Variants in MYT1 observed in about 807,000 individuals in gnomAD.
MYT1 encodes the protein myelin transcription factor 1.
Under a neutral mutation model 123.0 loss-of-function variants are expected in MYT1, and 23 were observed. The observed-to-expected ratio is 0.19, with a 90% CI of 0.13 to 0.26. The LOEUF is 0.26. Among genes scored for constraint, MYT1 ranks in the 10% least tolerant of loss-of-function variants. The pLI, the probability that MYT1 is intolerant of heterozygous loss-of-function variation, is 1.00. For synonymous variants in MYT1, 518 were observed against 575.3 expected (o/e 0.90, Z 1.43); for missense variants, 1,125 against 1,472.5 (o/e 0.76, Z 3.86).
Position 64,227,485 on chromosome 20 carries a change from T to A in MYT1, c.2591+8T>A. 1 of 1,611,936 alleles carries A rather than the reference T, an allele frequency of 6.2e-7. No individual in the cohort carries two copies. Reference sequence around the variant, plus strand: ...CTACGCTTCACACCGGAGGTGAGCCTGCCACACCCTCAGGTCCTGGGCCCC... The same window carrying A: ...CTACGCTTCACACCGGAGGTGAGCCAGCCACACCCTCAGGTCCTGGGCCCC... On this transcript the variant is annotated splice_region_variant and intron_variant, in intron 17 of 22. Transcript: ENST00000328439.
chr20:64,212,694 G>C lies in MYT1; in HGVS notation c.1517+556G>C, dbSNP rs894903550. ...CATGAACAGTAACCTCGGCAGGCCA[G>C]GACTGTGCTCTGGGCTGCTTTGTGG... On this transcript the variant is annotated intron_variant, in intron 9 of 22. Transcript: ENST00000328439. This position sits in a 1 kb window ranked among gnomAD's most constrained non-coding sequence, Gnocchi z 6.8. Among the ~76,000 whole-genome samples the C allele has an allele frequency of 4.6e-5, 7 of 152,192 alleles. No homozygotes were observed. Among genetic ancestry groups the C allele is most frequent in the African/African-American group, 7.2e-5 (3 of 41,438 alleles).
In MYT1 at chr20:64,227,454, A is replaced by G; in HGVS notation, c.2568A>G (p.Thr856=). The G allele has an allele frequency of 2.5e-6, 4 of 1,612,766 alleles. No homozygotes were observed. The highest frequency in any genetic ancestry group is 3.4e-6 in the Non-Finnish European group (4 of 1,179,866). The change falls in exon 17 of 23, where the codon ACA becomes ACG. Residue 856 remains threonine (T), a synonymous_variant. Transcript: ENST00000328439. ...GCTGTGACGGCTCTGGCCACATCACAGGGAACTACGCTTCACACCGGAGGT... is the reference window on the plus strand; with the variant it reads ...GCTGTGACGGCTCTGGCCACATCACGGGGAACTACGCTTCACACCGGAGGT... The part of the protein sequence containing the change: ...TPGCDGSGHI[T]GNYASHRSLS...
rs1018453612 is a variant in MYT1 at position 64,227,824 on chromosome 20, T to G, written c.2592-64T>G. ...CAGAGCTTGAGGGGAGAGGGTGAGATGAACGGGTGTGAGAAGCTGCGGTTC... is the reference window on the plus strand; with the variant it reads ...CAGAGCTTGAGGGGAGAGGGTGAGAGGAACGGGTGTGAGAAGCTGCGGTTC... On this transcript the variant is annotated intron_variant, in intron 17 of 22. Transcript: ENST00000328439. The G allele has an allele frequency of 1.1e-5, 15 of 1,405,796 alleles. No homozygotes were observed. The East Asian group carries it at 1.9e-4, about 18-fold the overall frequency. 87.1% of individuals were successfully genotyped at this position (1,405,796 alleles called of 1,614,324 possible).
rs1423013490 is a variant in MYT1 at position 64,178,616 on chromosome 20, A to G, written c.-98-11447A>G. Among the ~76,000 whole-genome samples the G allele has an allele frequency of 9.3e-5, 12 of 128,838 alleles. No homozygotes were observed. In the South Asian group the frequency reaches 1.3e-3, roughly 14 times the overall value. 84.5% of individuals were successfully genotyped at this position (128,838 alleles called of 152,430 possible). On this transcript the variant is annotated intron_variant, in intron 1 of 22. Transcript: ENST00000328439. ...GCACTGAGCCGTTATTCGGTGAGATACCCTTCAACGTGGGAGCACTGAGCC... is the reference window on the plus strand; with the variant it reads ...GCACTGAGCCGTTATTCGGTGAGATGCCCTTCAACGTGGGAGCACTGAGCC...
intron 16 of MYT1, among the ~76,000 whole-genome samples, chr20:64,225,276 A>G (rs1414902544): frequency 2.0e-5 from 3 of 152,270 alleles, no homozygotes; most frequent in African/African-American, 7.2e-5. Flanking sequence ...GCCCCTCCTG[A>G]TCAGCCTCGT....
chr20:64,198,087 C>A (rs1303546241), intron 2 of MYT1, among the ~76,000 whole-genome samples: 1 of 151,896 alleles, frequency 6.6e-6, no homozygotes, highest in Non-Finnish European at 1.5e-5. Context: ...AGATCGAGAC[C>A]GTCCTGGCTA....
chr20:64,200,094 C>G (rs918988420), intron 4 of MYT1, among the ~76,000 whole-genome samples, 172 bp downstream of exon 4: 2 of 152,198 alleles, frequency 1.3e-5, no homozygotes, highest in African/African-American at 4.8e-5. Context: ...TATCTTGGCC[C>G]CATCTCTATC....
Position 64,227,809 on chromosome 20 carries a change from G to C in MYT1, c.2592-79G>C, listed in dbSNP as rs1433281369. The C allele has an allele frequency of 2.5e-6, 3 of 1,222,072 alleles. No homozygotes were observed. In the African/African-American group the frequency reaches 4.5e-5, roughly 18 times the overall value. The allele number at this position is 1,222,072 out of a possible 1,614,324, so 75.7% of individuals were successfully genotyped here. Reference sequence around the variant, plus strand: ...CCCACCCTGGGGTCACAGAGCTTGAGGGGAGAGGGTGAGATGAACGGGTGT... The same window carrying C: ...CCCACCCTGGGGTCACAGAGCTTGACGGGAGAGGGTGAGATGAACGGGTGT... On this transcript the variant is annotated intron_variant, in intron 17 of 22. Transcript: ENST00000328439.
intron 19 of MYT1, among the ~76,000 whole-genome samples, chr20:64,234,922 T>TGGGA (rs1984459209): frequency 1.4e-5 from 2 of 143,590 alleles, no homozygotes; most frequent in African/African-American, 5.3e-5. Context: ...TGGGTGACCC[T>TGGGA]TGGCTGGCCA....
chr20:64,221,596 G>A (rs562730846), intron 13 of MYT1, among the ~76,000 whole-genome samples: 29 of 152,322 alleles, frequency 1.9e-4, no homozygotes, highest in Non-Finnish European at 3.7e-4. Context: ...GTGATGTGGC[G>A]GAGGGAGGCC....
rs1458295280 is a variant in MYT1, at chr20:64,203,115, G to A, written c.87-1920G>A. ...CCCCGAGCGGCCTTGTCCGCTCCAC[G>A]CACTTGGGCTCACAGCCGTGTCTCA... On this transcript the variant is annotated intron_variant, in intron 4 of 22. Transcript: ENST00000328439. The surrounding 1 kb of genome is among the most constrained non-coding windows in gnomAD (Gnocchi z 5.1). Among the ~76,000 whole-genome samples, 3 of 152,304 alleles carry A rather than the reference G, an allele frequency of 2.0e-5. No individual in the cohort carries two copies. The highest frequency in any genetic ancestry group is 6.5e-5 in the Admixed American group (1 of 15,302).
chr20:64,219,729 T>C lies in MYT1; in HGVS notation c.1988T>C (p.Val663Ala). 4 of 1,612,092 alleles carry C rather than the reference T, an allele frequency of 2.5e-6. No individual in the cohort carries two copies. The Admixed American group carries it at 5.0e-5, about 20-fold the overall frequency. ...CCATTGCAGTCTGTGGATATCGAGG[T>C]AGACGAAAATGGAACCCTGGACTTG... ...DLPSKSVDIE[V>A]DENGTLDLSM... The change falls in exon 13 of 23, where the codon GTA (valine) becomes GCA (alanine). Residue 663 changes from valine to alanine, a missense_variant. Coordinates refer to ENST00000328439, the MANE Select transcript of MYT1 (RefSeq NM_004535.3).
In MYT1 at chr20:64,196,212, T is replaced by C. The variant is rs1001919705; in HGVS notation, c.1-2650T>C. Reference sequence around the variant, plus strand: ...AAATTGAGAAGTGTTTAATTTTCTTTGCATCATTGAGCTGCCCTTTAGGGC... The same window carrying C: ...AAATTGAGAAGTGTTTAATTTTCTTCGCATCATTGAGCTGCCCTTTAGGGC... On this transcript the variant is annotated intron_variant, in intron 2 of 22. Transcript: ENST00000328439. The surrounding 1 kb of genome is among the most constrained non-coding windows in gnomAD (Gnocchi z 4.3). Among the ~76,000 whole-genome samples the C allele has an allele frequency of 3.9e-5, 6 of 152,140 alleles. No homozygotes were observed. The highest frequency in any genetic ancestry group is 1.4e-4 in the African/African-American group (6 of 41,426).
In MYT1 at chr20:64,203,964, C is replaced by T. The variant is rs549263339; in HGVS notation, c.87-1071C>T. On this transcript the variant is annotated intron_variant, in intron 4 of 22. Transcript: ENST00000328439. This position sits in a 1 kb window ranked among gnomAD's most constrained non-coding sequence, Gnocchi z 5.1. Reference sequence around the variant, plus strand: ...AGTCCTGTTAAAAGCAAGGTCTTCCCATCTTGGCCAGGAAAGCCTCTCTCT... The same window carrying T: ...AGTCCTGTTAAAAGCAAGGTCTTCCTATCTTGGCCAGGAAAGCCTCTCTCT... Among the ~76,000 whole-genome samples the T allele has an allele frequency of 1.4e-4, 21 of 152,242 alleles. No individual in the cohort carries two copies. The highest frequency in any genetic ancestry group is 2.9e-4 in the Non-Finnish European group (20 of 68,036).
At position 64,207,573 on chromosome 20, in the gene MYT1, G is replaced by A. The variant is rs374313932; in HGVS notation, c.398-21G>A. The A allele has an allele frequency of 3.6e-5, 57 of 1,603,932 alleles. No homozygotes were observed. The African/African-American group carries it at 5.3e-4, about 15-fold the overall frequency. On this transcript the variant is annotated intron_variant, in intron 6 of 22. Coordinates refer to ENST00000328439, the MANE Select transcript of MYT1 (RefSeq NM_004535.3). ...TTCCCACGTGCTCTCTGGCCCCCAC[G>A]TTGATTTTGATTTTGTGCAGGAAGG...
intron 22 of MYT1, 73 bp downstream of exon 22, chr20:64,239,976 A>G (rs1179959508): frequency 6.4e-7 from 1 of 1,572,578 alleles, no homozygotes; most frequent in Non-Finnish European, 8.6e-7. Context: ...AGGGCAGGGC[A>G]TCTCCCACCC....
Position 64,219,839 on chromosome 20 carries a change from G to A in MYT1, c.2098G>A (p.Ala700Thr), listed in dbSNP as rs959138463. The change falls in exon 13 of 23, where the codon GCC becomes ACC. Residue 700 changes from alanine to threonine, a missense_variant. This residue lies in a region of MYT1 where 429 missense variants were observed against 604.1 expected (regional missense o/e 0.71). Transcript: ENST00000328439. ...SSSPGVKSPD[A>T]SQRHSSTSAP... ...CAGCCCCGGTGTGAAGTCTCCCGACGCCTCCCAGCGCCACAGCAGCACCAG... is the reference window on the plus strand; with the variant it reads ...CAGCCCCGGTGTGAAGTCTCCCGACACCTCCCAGCGCCACAGCAGCACCAG... The A allele has an allele frequency of 3.1e-6, 5 of 1,610,318 alleles. No homozygotes were observed. The highest frequency in any genetic ancestry group is 3.4e-6 in the Non-Finnish European group (4 of 1,178,362).
intron 1 of MYT1, among the ~76,000 whole-genome samples, chr20:64,169,256 T>C (rs569938317): frequency 1.7e-4 from 26 of 152,256 alleles, no homozygotes; most frequent in African/African-American, 6.0e-4. Flanking sequence ...TCCCTGAGAC[T>C]CTCGGACCGC....
At chr20:64,181,158 T>C (rs1338212203) in intron 1 of MYT1, among the ~76,000 whole-genome samples, 1 of 152,160 alleles carries the variant, frequency 6.6e-6, no homozygotes, top group African/African-American at 2.4e-5. Flanking sequence ...GTCTTTTTTC[T>C]ATTCCTGGTG....
Sources: allele counts gnomAD v4.1 joint callset (sites outside exome capture counted in the v4.1 genomes callset), GRCh38; gene constraint gnomAD v4.1.1; regional missense constraint gnomAD v4.1.1; non-coding constraint Gnocchi (gnomAD v3.1); transcripts MANE v1.5; gene names NCBI Gene and HGNC (gene_info 2026-07-23, HGNC 2026-07-21).